The following ACBD6 variants were observed in gnomAD, a reference collection of about 807,000 sequenced individuals.
The protein encoded by ACBD6 is acyl-CoA-binding domain-containing protein 6.
Under a neutral mutation model 37.2 loss-of-function variants are expected in ACBD6, and 28 were observed. That is an observed-to-expected ratio of 0.75 (90% CI 0.56 to 1.03). The LOEUF is 1.03. Among genes scored for constraint, ACBD6 ranks in the 50% least tolerant of loss-of-function variants. ACBD6 has a pLI of 0.00. For missense variants in ACBD6, 340 were observed against 337.4 expected (o/e 1.01, Z -0.06); for synonymous variants, 113 against 126.8 (o/e 0.89, Z 0.73).
At chr1:180,496,495 A>C (rs527864567) in intron 1 of ACBD6, among the ~76,000 whole-genome samples, 7 of 152,244 alleles carry the variant, frequency 4.6e-5, no homozygotes, top group African/African-American at 1.7e-4. Flanking sequence ...AACCAGAATG[A>C]TCTACTGACT....
chr1:180,312,517 A>G (rs1650633321), intron 7 of ACBD6, among the ~76,000 whole-genome samples: 1 of 152,162 alleles, frequency 6.6e-6, no homozygotes, highest in Admixed American at 6.5e-5. Flanking sequence ...TGTTTCATCC[A>G]TCTCATGTAC....
At chr1:180,483,156 G>C (rs1651121021) in intron 3 of ACBD6, among the ~76,000 whole-genome samples, 2 of 152,046 alleles carry the variant, frequency 1.3e-5, no homozygotes, top group South Asian at 2.1e-4. Flanking sequence ...GCAGTTTCTA[G>C]AGTACGTCAG....
At chr1:180,432,623 C>T (rs1488009636) in intron 3 of ACBD6, among the ~76,000 whole-genome samples, 3 of 151,912 alleles carry the variant, frequency 2.0e-5, no homozygotes, top group African/African-American at 7.3e-5. Context: ...AAATGATACA[C>T]CCATAAAATA....
chr1:180,388,653 C>T (rs1326123631), intron 6 of ACBD6, among the ~76,000 whole-genome samples: 1 of 151,862 alleles, frequency 6.6e-6, no homozygotes, highest in Non-Finnish European at 1.5e-5. Context: ...GTTGCCCAGG[C>T]CAGTCTCAAA....
At chr1:180,295,738 CCATAT>C (rs1342971078) in intron 7 of ACBD6, among the ~76,000 whole-genome samples, 1 of 151,956 alleles carries the variant, frequency 6.6e-6, no homozygotes, top group Non-Finnish European at 1.5e-5. Flanking sequence ...TGAACTGCAC[CCATAT>C]AATATGAATT....
intron 9 of ACBD6, among the ~76,000 whole-genome samples, chr1:180,279,557 C>T (rs1340592440): frequency 6.6e-6 from 1 of 152,222 alleles, no homozygotes; most frequent in African/African-American, 2.4e-5. Context: ...CTGGGCCTCC[C>T]AAAGTGCTGG....
At chr1:180,406,089 C>T (rs955989889) in intron 5 of ACBD6, among the ~76,000 whole-genome samples, 3 of 152,008 alleles carry the variant, frequency 2.0e-5, no homozygotes, top group Non-Finnish European at 4.4e-5. Context: ...AACTACGAAA[C>T]TTTTTTCTAT....
chr1:180,383,529 A>G (rs1454980175), intron 6 of ACBD6, among the ~76,000 whole-genome samples: 1 of 152,160 alleles, frequency 6.6e-6, no homozygotes, highest in Non-Finnish European at 1.5e-5. Flanking sequence ...AAAGAAATTC[A>G]CAAAAAAATA....
At chr1:180,501,254 TACTC>T (rs1250920666) in intron 1 of ACBD6, among the ~76,000 whole-genome samples, 5 of 152,328 alleles carry the variant, frequency 3.3e-5, no homozygotes, top group African/African-American at 7.2e-5. Context: ...AAGGAAGACA[TACTC>T]AACGAAAACA....
chr1:180,494,433 T>C (rs1249816832), intron 2 of ACBD6, among the ~76,000 whole-genome samples: 1 of 152,188 alleles, frequency 6.6e-6, no homozygotes, highest in East Asian at 1.9e-4. Context: ...ACCAAAAAAC[T>C]TGTGCAAGAA....
intron 4 of ACBD6, among the ~76,000 whole-genome samples, chr1:180,416,234 A>G (rs1035085917): frequency 6.6e-6 from 1 of 152,154 alleles, no homozygotes; most frequent in South Asian, 2.1e-4. Flanking sequence ...ATCTACAGCA[A>G]TATCATTCCA....
At chr1:180,295,403 G>A (rs1230159000) in intron 7 of ACBD6, among the ~76,000 whole-genome samples, 1 of 151,676 alleles carries the variant, frequency 6.6e-6, no homozygotes, top group Non-Finnish European at 1.5e-5. Flanking sequence ...AGCCTCCCAA[G>A]CATCCCACAA....
chr1:180,445,912 T>C (rs1383647670), intron 3 of ACBD6, among the ~76,000 whole-genome samples: 1 of 152,232 alleles, frequency 6.6e-6, no homozygotes, highest in Non-Finnish European at 1.5e-5. Flanking sequence ...TGTGTTCTAT[T>C]AAATTACATT....
chr1:180,390,897 C>T (rs935705606), intron 6 of ACBD6, among the ~76,000 whole-genome samples: 4 of 152,052 alleles, frequency 2.6e-5, no homozygotes, highest in South Asian at 2.1e-4. Context: ...TGAAAAAAGG[C>T]GGAAGAATAA....
At chr1:180,413,256 T>C in intron 5 of ACBD6, 110 bp downstream of exon 5, 1 of 805,046 alleles carries the variant, frequency 1.2e-6, no homozygotes, top group East Asian at 2.5e-5. Flanking sequence ...GATATACTCT[T>C]AACCATACTG....
In ACBD6 at chr1:180,495,448, A is replaced by G. The variant is rs769237721; in HGVS notation, c.287+13T>C. ...TTCCAACAACCTCATTAAAGATTCCAGGAATTTCTTACCATTTTTGCTTTC... is the reference window on the plus strand; with the variant it reads ...TTCCAACAACCTCATTAAAGATTCCGGGAATTTCTTACCATTTTTGCTTTC... On this transcript the variant is annotated intron_variant, in intron 2 of 7. Coordinates refer to ENST00000367595, the MANE Select transcript of ACBD6 (RefSeq NM_032360.4). 6.3e-7 allele frequency: 1 copy of G among 1,583,994 alleles called. No individual in the cohort carries two copies. The highest frequency in any genetic ancestry group is 1.2e-5 in the South Asian group (1 of 86,676).
At chr1:180,407,153 A>C (rs1438440359) in intron 5 of ACBD6, among the ~76,000 whole-genome samples, 4 of 152,268 alleles carry the variant, frequency 2.6e-5, no homozygotes, top group African/African-American at 7.2e-5. Flanking sequence ...GTTTGCCATC[A>C]GTATTCAAAG....
intron 7 of ACBD6, among the ~76,000 whole-genome samples, chr1:180,297,646 C>T (rs977752166): frequency 2.6e-5 from 4 of 152,090 alleles, no homozygotes; most frequent in Admixed American, 6.6e-5. Flanking sequence ...GAGGAAGAGA[C>T]GGTATCATCT....
At chr1:180,390,230 G>T (rs1448189000) in intron 6 of ACBD6, among the ~76,000 whole-genome samples, 1 of 151,804 alleles carries the variant, frequency 6.6e-6, no homozygotes, top group Non-Finnish European at 1.5e-5. Flanking sequence ...TGGCTAGCCA[G>T]TTTTCCCAGC....
Sources: gnomAD v4.1 joint callset for allele counts (sites outside exome capture counted in the v4.1 genomes callset) on GRCh38, gnomAD v4.1.1 for gene constraint, MANE v1.5 for transcripts, NCBI Gene and HGNC (gene_info 2026-07-23, HGNC 2026-07-21) for gene names.